The following FHIT variants were observed in gnomAD, a reference collection of about 807,000 sequenced individuals.
FHIT encodes the protein bis(5'-adenosyl)-triphosphatase.
In FHIT, 19 loss-of-function variants were observed where a neutral mutation model predicts 17.9. That is an observed-to-expected ratio of 1.06 (90% confidence interval 0.74 to 1.56). FHIT has a LOEUF of 1.56. FHIT is among the 40% of genes most tolerant of loss of function. The pLI, the probability that FHIT is intolerant of heterozygous loss-of-function variation, is 0.00. For missense variants in FHIT, 248 were observed against 189.2 expected, an observed-to-expected ratio of 1.31 and a Z score of -1.82; for synonymous variants, 81 against 69.7, an observed-to-expected ratio of 1.16 and a Z score of -0.81.
At chr3:60,550,465 T>A (rs2036509445) in intron 4 of FHIT, among the ~76,000 whole-genome samples, 1 of 152,204 alleles carries the variant, frequency 6.6e-6, no homozygotes, top group Admixed American at 6.5e-5. Flanking sequence ...CATCAACTTA[T>A]GTCACTAAAA....
chr3:59,786,541 C>A (rs528504213), intron 8 of FHIT, among the ~76,000 whole-genome samples: 1 of 152,190 alleles, frequency 6.6e-6, no homozygotes, highest in Non-Finnish European at 1.5e-5. Flanking sequence ...TAAAATACTA[C>A]GGTAATGTGG....
At chr3:60,739,693 A>G (rs2042204591) in intron 4 of FHIT, among the ~76,000 whole-genome samples, 1 of 152,186 alleles carries the variant, frequency 6.6e-6, no homozygotes, top group Admixed American at 6.5e-5. Flanking sequence ...AGACATTGCC[A>G]TATGTCTCTC....
intron 4 of FHIT, among the ~76,000 whole-genome samples, chr3:60,736,204 A>T (rs2042129655): frequency 6.6e-6 from 1 of 152,198 alleles, no homozygotes; most frequent in Non-Finnish European, 1.5e-5. Flanking sequence ...GGGATTATAA[A>T]ATGGTGCTTC....
At chr3:60,261,009 C>T (rs1376575323) in intron 5 of FHIT, among the ~76,000 whole-genome samples, 1 of 152,050 alleles carries the variant, frequency 6.6e-6, no homozygotes, top group Non-Finnish European at 1.5e-5. Context: ...TTGCCAACCC[C>T]ATTCCCGGGA....
chr3:61,065,101 C>CA (rs1352224861), intron 2 of FHIT, among the ~76,000 whole-genome samples: 13 of 151,674 alleles, frequency 8.6e-5, no homozygotes, highest in Non-Finnish European at 1.8e-4. Context: ...TCCAGGCAAA[C>CA]AAAAAAAAGA....
rs74610861 is a variant in FHIT at position 60,084,664 on chromosome 3, T to G, written c.104-70512A>C. Reference sequence around the variant, plus strand: ...GATGAGACAGAGAAAATGATACGAGTAAACACGCTGAGGACTTTAGACTCA... The same window carrying G: ...GATGAGACAGAGAAAATGATACGAGGAAACACGCTGAGGACTTTAGACTCA... On this transcript the variant is annotated intron_variant, in intron 5 of 9. Coordinates refer to ENST00000492590, the MANE Select transcript of FHIT (RefSeq NM_002012.4). Among the ~76,000 whole-genome samples, 1,073 of 152,190 alleles carry G rather than the reference T, an allele frequency of 7.1e-3. 19 individuals are homozygous for G. Among genetic ancestry groups the G allele is most frequent in the African/African-American group, 0.024 (1,017 of 41,540 alleles).
chr3:59,858,560 T>C (rs1309808791), intron 8 of FHIT, among the ~76,000 whole-genome samples: 1 of 151,902 alleles, frequency 6.6e-6, no homozygotes, highest in Non-Finnish European at 1.5e-5. Flanking sequence ...AATGATAGCA[T>C]CTGAGGAGGC....
At chr3:60,693,178 A>C (rs2041032954) in intron 4 of FHIT, among the ~76,000 whole-genome samples, 1 of 152,208 alleles carries the variant, frequency 6.6e-6, no homozygotes, top group Admixed American at 6.5e-5. Flanking sequence ...ATATGAATTT[A>C]ATTTCATTCA....
intron 5 of FHIT, among the ~76,000 whole-genome samples, chr3:60,040,320 A>T (rs897095004): frequency 1.1e-4 from 16 of 151,712 alleles, no homozygotes; most frequent in Admixed American, 1.1e-3. Context: ...TAATTTTTCT[A>T]TTTTTAGTAG....
chr3:60,231,835 T>A (rs1259886930), intron 5 of FHIT, among the ~76,000 whole-genome samples: 1 of 152,218 alleles, frequency 6.6e-6, no homozygotes. Flanking sequence ...ATTTTACAGA[T>A]GTAATTCAAG....
chr3:60,121,747 T>G (rs191371793), intron 5 of FHIT, among the ~76,000 whole-genome samples: 1 of 139,308 alleles, frequency 7.2e-6, no homozygotes, highest in African/African-American at 2.8e-5. Flanking sequence ...CACACACACA[T>G]TAGCCCTGTG....
chr3:61,209,533 T>TA (rs2039381476), intron 1 of FHIT, among the ~76,000 whole-genome samples: 2 of 152,008 alleles, frequency 1.3e-5, no homozygotes, highest in Non-Finnish European at 2.9e-5. Flanking sequence ...TTATTTTTTT[T>TA]CTAAACTTCT....
At chr3:60,201,396 G>C (rs191246919) in intron 5 of FHIT, among the ~76,000 whole-genome samples, 164 of 152,024 alleles carry the variant, frequency 1.1e-3, no homozygotes, top group South Asian at 2.1e-3. Context: ...GCCCAGGCTG[G>C]CCTTGAACTC....
intron 7 of FHIT, among the ~76,000 whole-genome samples, chr3:59,974,544 T>C (rs1708327417): frequency 6.6e-6 from 1 of 152,146 alleles, no homozygotes; most frequent in Non-Finnish European, 1.5e-5. Context: ...CTGTCTTGCA[T>C]TTCCTTGTGC....
chr3:59,938,217 C>A (rs1706337450), intron 7 of FHIT, among the ~76,000 whole-genome samples: 2 of 152,026 alleles, frequency 1.3e-5, no homozygotes, highest in African/African-American at 4.8e-5. Context: ...TATTATTCGG[C>A]CTTAAAAATT....
At chr3:61,202,007 T>G (rs977264019) in intron 1 of FHIT, among the ~76,000 whole-genome samples, 1 of 151,938 alleles carries the variant, frequency 6.6e-6, no homozygotes, top group African/African-American at 2.4e-5. Context: ...TACACACACA[T>G]GTACAAATAT....
intron 2 of FHIT, among the ~76,000 whole-genome samples, chr3:61,065,294 C>T (rs73110338): frequency 6.8e-4 from 24 of 35,530 alleles, no homozygotes; most frequent in Non-Finnish European, 1.7e-3. Flanking sequence ...CACACACACA[C>T]ATACACACAC....
intron 5 of FHIT, among the ~76,000 whole-genome samples, chr3:60,176,501 G>C (rs183936533): frequency 6.6e-6 from 1 of 152,306 alleles, no homozygotes; most frequent in East Asian, 1.9e-4. Context: ...CTTTAAGCAT[G>C]TGTAGTACAG....
At chr3:59,854,121 T>A (rs1702053915) in intron 8 of FHIT, among the ~76,000 whole-genome samples, 1 of 152,198 alleles carries the variant, frequency 6.6e-6, no homozygotes, top group Non-Finnish European at 1.5e-5. Flanking sequence ...TAATTAGCTT[T>A]GCATTGATTG....
Sources: gnomAD v4.1 joint callset for allele counts (sites outside exome capture counted in the v4.1 genomes callset) on GRCh38, gnomAD v4.1.1 for gene constraint, MANE v1.5 for transcripts, NCBI Gene and HGNC (gene_info 2026-07-23, HGNC 2026-07-21) for gene names.